SLIT3: variants seen among roughly 807,000 people sequenced by gnomAD.
The protein encoded by SLIT3 is slit homolog 3 protein.
Under a neutral mutation model 184.0 loss-of-function variants are expected in SLIT3, and 68 were observed. That is an observed-to-expected ratio of 0.37 (90% confidence interval 0.30 to 0.45). The LOEUF (loss-of-function observed/expected upper bound fraction) is 0.45. SLIT3 is among the 20% of genes least tolerant of loss of function. The pLI is 1.00. For missense variants in SLIT3, 1,707 were observed against 2,026.0 expected, an observed-to-expected ratio of 0.84 and a Z score of 3.02; for synonymous variants, 831 against 828.6, an observed-to-expected ratio of 1.00 and a Z score of -0.05.
intron 14 of SLIT3, among the ~76,000 whole-genome samples, chr5:168,764,619 T>C (rs1036313658): frequency 1.3e-5 from 2 of 152,146 alleles, no homozygotes; most frequent in Admixed American, 1.3e-4. Context: ...TTGTGGTAAT[T>C]CCTGATCGAG....
At chr5:169,184,921 T>C (rs1763284478) in intron 4 of SLIT3, among the ~76,000 whole-genome samples, 1 of 152,242 alleles carries the variant, frequency 6.6e-6, no homozygotes, top group Admixed American at 6.5e-5. Flanking sequence ...TTGCTATTCC[T>C]AGCTCAAAAA....
chr5:169,001,243 G>T (rs1486253283), intron 4 of SLIT3, among the ~76,000 whole-genome samples: 1 of 152,128 alleles, frequency 6.6e-6, no homozygotes, highest in African/African-American at 2.4e-5. Context: ...CATCGCCACT[G>T]TCCGTATTTT....
intron 5 of SLIT3, among the ~76,000 whole-genome samples, chr5:168,855,769 G>A (rs1333512631): frequency 6.6e-6 from 1 of 152,132 alleles, no homozygotes; most frequent in Non-Finnish European, 1.5e-5. Flanking sequence ...GTTTCCTTTG[G>A]GGGTGATGAA....
intron 3 of SLIT3, among the ~76,000 whole-genome samples, chr5:169,214,264 G>A (rs1259233984): frequency 6.6e-6 from 1 of 152,258 alleles, no homozygotes; most frequent in Non-Finnish European, 1.5e-5. Flanking sequence ...CATCAAGGGG[G>A]AAAGAAGATG....
chr5:169,181,244 CTTCAT>C (rs1396124883), intron 4 of SLIT3, among the ~76,000 whole-genome samples: 1 of 152,172 alleles, frequency 6.6e-6, no homozygotes, highest in Non-Finnish European at 1.5e-5. Flanking sequence ...CAAAAAGGAT[CTTCAT>C]TTATCTGTCT....
chr5:168,808,646 T>C (rs1184229341), intron 8 of SLIT3, among the ~76,000 whole-genome samples: 3 of 152,162 alleles, frequency 2.0e-5, no homozygotes, highest in South Asian at 2.1e-4. Flanking sequence ...TTTGGTGCCA[T>C]GTCAGTGAAT....
chr5:169,266,715 C>T (rs1394533633), intron 1 of SLIT3, among the ~76,000 whole-genome samples: 1 of 152,170 alleles, frequency 6.6e-6, no homozygotes, highest in Non-Finnish European at 1.5e-5. Context: ...GCAGCTTAGC[C>T]TTGTCTATGC....
chr5:169,204,497 G>C (rs886387373), intron 3 of SLIT3, among the ~76,000 whole-genome samples: 4 of 152,208 alleles, frequency 2.6e-5, no homozygotes, highest in Non-Finnish European at 4.4e-5. Context: ...ATGCTTCAGT[G>C]CTGATAAGAA....
Position 169,141,313 on chromosome 5 carries a change from AT to A in SLIT3, c.413+52165del, listed in dbSNP as rs566659591. Among the ~76,000 whole-genome samples, 142 of 152,334 alleles carry A rather than the reference AT, an allele frequency of 9.3e-4. 5 individuals are homozygous for A. The highest frequency in any genetic ancestry group is 3.3e-3 in the African/African-American group (138 of 41,578). On this transcript the variant is annotated intron_variant, in intron 4 of 35. Coordinates refer to ENST00000519560, the MANE Select transcript of SLIT3 (RefSeq NM_003062.4). ...AAGCAAATCCACTGCAACAAAGCTG[AT>A]TTTAGGATCTTAATTCTGCCTCTTT...
chr5:169,155,843 A>G (rs1469854596), intron 4 of SLIT3, among the ~76,000 whole-genome samples: 2 of 151,870 alleles, frequency 1.3e-5, no homozygotes, highest in East Asian at 3.9e-4. Flanking sequence ...GACCACCACT[A>G]CTCCTTCTGT....
intron 4 of SLIT3, among the ~76,000 whole-genome samples, chr5:169,069,719 G>A (rs1355929522): frequency 6.6e-6 from 1 of 152,134 alleles, no homozygotes; most frequent in Non-Finnish European, 1.5e-5. Flanking sequence ...AGGAGAGGAA[G>A]TAGGGGAGGG....
At chr5:168,697,114 T>G (rs1762086172) in intron 27 of SLIT3, among the ~76,000 whole-genome samples, 1 of 152,254 alleles carries the variant, frequency 6.6e-6, no homozygotes, top group African/African-American at 2.4e-5. Context: ...AAAACCACCC[T>G]ACTTCCTTAA....
chr5:168,754,774 C>G (rs1581041941), intron 16 of SLIT3, among the ~76,000 whole-genome samples: 1 of 152,060 alleles, frequency 6.6e-6, no homozygotes, highest in East Asian at 1.9e-4. Flanking sequence ...TTTAAAAAAA[C>G]AGGCTGGATG....
intron 4 of SLIT3, among the ~76,000 whole-genome samples, chr5:168,974,427 A>G (rs1437913267): frequency 2.0e-5 from 3 of 152,256 alleles, no homozygotes; most frequent in South Asian, 2.1e-4. Flanking sequence ...TTAAAAAGTA[A>G]GTTCCTGTTT....
At chr5:168,792,061 G>A (rs1347891587) in intron 10 of SLIT3, 1 of 152,168 alleles carries the variant, frequency 6.6e-6, no homozygotes, top group Non-Finnish European at 1.5e-5. Context: ...GAAGTACCTG[G>A]AGCCATAAGT....
intron 4 of SLIT3, among the ~76,000 whole-genome samples, chr5:168,908,459 G>A (rs1039829024): frequency 1.3e-5 from 2 of 152,132 alleles, no homozygotes; most frequent in Admixed American, 1.3e-4. Flanking sequence ...ACGGATGAGC[G>A]GTGGAGAGGA....
chr5:168,917,583 G>A (rs970770445), intron 4 of SLIT3, among the ~76,000 whole-genome samples: 2 of 152,306 alleles, frequency 1.3e-5, no homozygotes, highest in East Asian at 1.9e-4. Context: ...GATGGCCACA[G>A]CCCTTCCCCC....
intron 8 of SLIT3, among the ~76,000 whole-genome samples, chr5:168,815,412 T>A (rs886673302): frequency 6.6e-6 from 1 of 152,204 alleles, no homozygotes; most frequent in Non-Finnish European, 1.5e-5. Context: ...CCTGTAATGA[T>A]GTGTTTTATC....
At chr5:168,866,153 G>T (rs1161083580) in intron 5 of SLIT3, among the ~76,000 whole-genome samples, 3 of 152,198 alleles carry the variant, frequency 2.0e-5, no homozygotes, top group Non-Finnish European at 4.4e-5. Context: ...GCCTAGCCGG[G>T]GTCATGTTTC....
Sources: gnomAD v4.1 joint callset for allele counts (sites outside exome capture counted in the v4.1 genomes callset) on GRCh38, gnomAD v4.1.1 for gene constraint, MANE v1.5 for transcripts, NCBI Gene and HGNC (gene_info 2026-07-23, HGNC 2026-07-21) for gene names.